EPB41L4B: variants seen among roughly 807,000 people sequenced by gnomAD.
EPB41L4B encodes the protein erythrocyte membrane protein band 4.1 like 4B, also known as band 4.1-like protein 4B.
Under a neutral mutation model 112.5 loss-of-function variants are expected in EPB41L4B, and 30 were observed. The observed-to-expected ratio is 0.27, with a 90% CI of 0.20 to 0.36. The LOEUF is 0.36. Ranked by LOEUF, EPB41L4B falls within the 10% of genes least tolerant of loss-of-function variation. EPB41L4B has a pLI of 1.00. For synonymous variants in EPB41L4B, 408 were observed against 439.7 expected, an observed-to-expected ratio of 0.93 and a Z score of 0.90; for missense variants, 1,024 against 1,133.3, an observed-to-expected ratio of 0.90 and a Z score of 1.38.
intron 25 of EPB41L4B, 68 bp from the exon 26 acceptor site, chr9:109,174,691 T>C: frequency 7.5e-7 from 1 of 1,339,744 alleles, no homozygotes. Flanking sequence ...ACAGCTTAAG[T>C]ATCATCTCCC....
chr9:109,304,886 G>C (rs1054652863), intron 1 of EPB41L4B, among the ~76,000 whole-genome samples: 1 of 152,160 alleles, frequency 6.6e-6, no homozygotes, highest in Non-Finnish European at 1.5e-5. Flanking sequence ...GTTAGGAACA[G>C]GGGAGGAATG....
intron 15 of EPB41L4B, among the ~76,000 whole-genome samples, chr9:109,234,387 T>C (rs73527098): frequency 7.9e-5 from 12 of 152,232 alleles, no homozygotes; most frequent in Non-Finnish European, 1.3e-4. Flanking sequence ...GCAGCTTAAA[T>C]GTCCATCAAT....
At chr9:109,175,027 C>T (rs893807293) in intron 25 of EPB41L4B, among the ~76,000 whole-genome samples, 6 of 144,412 alleles carry the variant, frequency 4.2e-5, no homozygotes, top group Admixed American at 1.5e-4. Context: ...AGCGATTCTT[C>T]TGTCTCAGCC....
chr9:109,282,457 G>A (rs769297027), intron 1 of EPB41L4B, among the ~76,000 whole-genome samples: 33 of 152,138 alleles, frequency 2.2e-4, no homozygotes, highest in Non-Finnish European at 4.3e-4. Context: ...CTTTATTGAA[G>A]TATTTCAACA....
chr9:109,231,119 A>G (rs1833939630), intron 15 of EPB41L4B, among the ~76,000 whole-genome samples: 1 of 148,576 alleles, frequency 6.7e-6, no homozygotes, highest in Non-Finnish European at 1.5e-5. Flanking sequence ...AGATTGTGCC[A>G]TTGCACTCCA....
chr9:109,313,875 A>C (rs1024794343), intron 1 of EPB41L4B, among the ~76,000 whole-genome samples: 1 of 152,220 alleles, frequency 6.6e-6, no homozygotes, highest in East Asian at 1.9e-4. Flanking sequence ...TCATTTTAAA[A>C]ACATGTTTAT....
intron 12 of EPB41L4B, 55 bp downstream of exon 12, chr9:109,253,386 C>T (rs1834865910): frequency 1.3e-5 from 17 of 1,292,570 alleles, no homozygotes; most frequent in Non-Finnish European, 1.7e-5. Context: ...TCCTCGAGGG[C>T]TTAAATGACT....
intron 1 of EPB41L4B, among the ~76,000 whole-genome samples, chr9:109,293,896 T>C (rs1719489629): frequency 6.6e-6 from 1 of 152,084 alleles, no homozygotes; most frequent in African/African-American, 2.4e-5. Context: ...TTAAGAGACA[T>C]ATCTACTAGA....
intron 2 of EPB41L4B, among the ~76,000 whole-genome samples, chr9:109,270,757 C>T (rs1835580087): frequency 6.6e-6 from 1 of 152,232 alleles, no homozygotes; most frequent in Non-Finnish European, 1.5e-5. Context: ...TCCCTTTCCT[C>T]TCCCTCTACT....
At chr9:109,249,819 C>T (rs1025172664) in intron 13 of EPB41L4B, among the ~76,000 whole-genome samples, 8 of 152,248 alleles carry the variant, frequency 5.3e-5, no homozygotes, top group Middle Eastern at 3.4e-3. Flanking sequence ...GGGCAGGGGG[C>T]GACACAGAGC....
At chr9:109,274,118 G>A (rs778401183) in intron 2 of EPB41L4B, among the ~76,000 whole-genome samples, 3 of 152,308 alleles carry the variant, frequency 2.0e-5, no homozygotes, top group South Asian at 2.1e-4. Flanking sequence ...GCCAGAGGAC[G>A]CACATCTGAC....
At chr9:109,221,611 T>C (rs1450117685) in intron 15 of EPB41L4B, among the ~76,000 whole-genome samples, 5 of 151,828 alleles carry the variant, frequency 3.3e-5, no homozygotes, top group African/African-American at 1.2e-4. Context: ...AATGTGGAGA[T>C]ATGGAAGGGT....
intron 1 of EPB41L4B, among the ~76,000 whole-genome samples, chr9:109,294,672 C>CTGTGTGTGTG (rs56261244): frequency 2.5e-4 from 37 of 147,952 alleles, no homozygotes; most frequent in African/African-American, 9.0e-4. Context: ...GATATTGTGG[C>CTGTGTGTGTG]TGTGTGTGTG....
chr9:109,253,675 G>C lies in EPB41L4B; in HGVS notation c.1170-125C>G, dbSNP rs539739500. The C allele has an allele frequency of 1.8e-5, 12 of 670,248 alleles. No individual in the cohort carries two copies. In the East Asian group the frequency reaches 2.5e-4, roughly 14 times the overall value. The allele number at this position is 670,248 out of a possible 1,614,324, so 41.5% of individuals were successfully genotyped here. On this transcript the variant is annotated intron_variant, in intron 11 of 25. Coordinates refer to ENST00000374566, the MANE Select transcript of EPB41L4B (RefSeq NM_019114.5). ...GTTTCAACTTAGCCTGAACTCACTT[G>C]GGTAAAGAAACACAAAGTTTAACCT...
At chr9:109,316,966 G>A (rs1440485320) in intron 1 of EPB41L4B, among the ~76,000 whole-genome samples, 1 of 152,094 alleles carries the variant, frequency 6.6e-6, no homozygotes, top group East Asian at 1.9e-4. Context: ...TTAGCCGGGT[G>A]TAGTGGTGCA....
chr9:109,256,016 C>G (rs1747061488), intron 9 of EPB41L4B, 120 bp downstream of exon 9: 1 of 1,136,768 alleles, frequency 8.8e-7, no homozygotes, highest in African/African-American at 1.5e-5. Context: ...ACAACAGCAG[C>G]ACCGTGTGCT....
At chr9:109,246,213 C>T (rs937484256) in intron 14 of EPB41L4B, among the ~76,000 whole-genome samples, 1 of 151,888 alleles carries the variant, frequency 6.6e-6, no homozygotes, top group African/African-American at 2.4e-5. Flanking sequence ...ACCAGCGTGG[C>T]CAACATGGTG....
At chr9:109,190,419 A>G (rs117507373) in intron 22 of EPB41L4B, among the ~76,000 whole-genome samples, 1 of 152,372 alleles carries the variant, frequency 6.6e-6, no homozygotes, top group East Asian at 1.9e-4. Context: ...GAGAGCAGCC[A>G]CAGGCAAAGG....
chr9:109,195,424 C>A (rs1465690914), intron 20 of EPB41L4B, among the ~76,000 whole-genome samples: 2 of 152,112 alleles, frequency 1.3e-5, no homozygotes, highest in Admixed American at 6.5e-5. Flanking sequence ...ATGGAGAAGC[C>A]TCAAGGGAAG....
Sources: gnomAD v4.1 joint callset for allele counts (sites outside exome capture counted in the v4.1 genomes callset) on GRCh38, gnomAD v4.1.1 for gene constraint, MANE v1.5 for transcripts, NCBI Gene and HGNC (gene_info 2026-07-23, HGNC 2026-07-21) for gene names.